PRDM10: variants seen among roughly 807,000 people sequenced by gnomAD.
PRDM10 encodes PR domain zinc finger protein 10.
In PRDM10, 65 loss-of-function variants were observed where a neutral mutation model predicts 133.1. The ratio of observed to expected loss-of-function variants is 0.49; its 90% CI spans 0.40 to 0.60. The LOEUF is 0.60. Among genes scored for constraint, PRDM10 ranks in the 20% least tolerant of loss-of-function variants. PRDM10 has a pLI of 0.00. For synonymous variants in PRDM10, 582 were observed against 580.4 expected, an observed-to-expected ratio of 1.00 and a Z score of -0.04; for missense variants, 1,137 against 1,507.1, an observed-to-expected ratio of 0.75 and a Z score of 4.07.
In PRDM10 at chr11:129,947,161, G is replaced by A. The variant is rs1276370140; in HGVS notation, c.504C>T (p.Phe168=). ...DDWEPDPPRP[F]DPHDLWCEEC... ...CACACTTACACAAGTCGTGTGGGTC[G>A]AAGGGCCGGGGCGGGTCTGGCTCCC... Residue 168 remains phenylalanine, a synonymous_variant, in exon 5 of 21, where the codon TTC becomes TTT. Coordinates refer to ENST00000360871, the MANE Select transcript of PRDM10 (RefSeq NM_199437.2). The surrounding 1 kb of genome is among the most constrained non-coding windows in gnomAD (Gnocchi z 4.6). The A allele has an allele frequency of 1.1e-5, 17 of 1,613,720 alleles. No homozygotes were observed. The highest frequency in any genetic ancestry group is 1.3e-5 in the Non-Finnish European group (15 of 1,179,936).
At chr11:129,961,171 G>A in intron 1 of PRDM10, 89 bp from the exon 2 acceptor site, 1 of 470,802 alleles carries the variant, frequency 2.1e-6, no homozygotes, top group Non-Finnish European at 3.7e-6. Context: ...ATAAAAGAAA[G>A]CTTTGTCAAA....
intron 7 of PRDM10, among the ~76,000 whole-genome samples, chr11:129,938,580 G>A (rs1385547543): frequency 6.6e-6 from 1 of 152,178 alleles, no homozygotes; most frequent in Non-Finnish European, 1.5e-5. Flanking sequence ...TTGGCCTTCT[G>A]ACTGGCCTCT....
chr11:129,984,285 T>C (rs138595647), intron 1 of PRDM10, among the ~76,000 whole-genome samples: 250 of 152,366 alleles, frequency 1.6e-3, no homozygotes, highest in African/African-American at 4.8e-3. Context: ...CCAGCTAGCA[T>C]GTGCTAGAAT....
intron 3 of PRDM10, among the ~76,000 whole-genome samples, chr11:129,955,983 C>G (rs1019848186): frequency 6.6e-6 from 1 of 152,116 alleles, no homozygotes; most frequent in Non-Finnish European, 1.5e-5. Context: ...GATAGACAGG[C>G]ATCTAGAAGA....
At chr11:129,971,663 C>A (rs1007690576) in intron 1 of PRDM10, among the ~76,000 whole-genome samples, 1 of 152,116 alleles carries the variant, frequency 6.6e-6, no homozygotes, top group Non-Finnish European at 1.5e-5. Flanking sequence ...GGTGCACTCA[C>A]AAACCCTGAG....
At chr11:129,984,035 G>C (rs538685273) in intron 1 of PRDM10, among the ~76,000 whole-genome samples, 2 of 152,222 alleles carry the variant, frequency 1.3e-5, no homozygotes, top group Admixed American at 6.5e-5. Context: ...ATGAACTTTG[G>C]ATTCTTGTCT....
chr11:129,935,710 C>A (rs1951008327), intron 8 of PRDM10, among the ~76,000 whole-genome samples: 1 of 152,214 alleles, frequency 6.6e-6, no homozygotes, highest in African/African-American at 2.4e-5. Flanking sequence ...TACATACATA[C>A]CCAACAGAAA....
At chr11:129,937,202 T>A (rs970872613) in intron 8 of PRDM10, among the ~76,000 whole-genome samples, 1 of 152,234 alleles carries the variant, frequency 6.6e-6, no homozygotes, top group Admixed American at 6.5e-5. Flanking sequence ...GTGTGTTCAC[T>A]TTGTGAAAAT....
chr11:129,937,435 G>A (rs1951068367), intron 8 of PRDM10, among the ~76,000 whole-genome samples, 163 bp downstream of exon 8: 1 of 152,078 alleles, frequency 6.6e-6, no homozygotes, highest in South Asian at 2.1e-4. Context: ...AAATGTCATT[G>A]TAGTTTGACA....
chr11:129,939,577 A>G (rs1313283042), intron 7 of PRDM10, among the ~76,000 whole-genome samples: 1 of 152,186 alleles, frequency 6.6e-6, no homozygotes, highest in East Asian at 1.9e-4. Flanking sequence ...CTACCTGCTC[A>G]CTGCTCCTGC....
chr11:129,913,313 C>T (rs530268432), intron 17 of PRDM10, among the ~76,000 whole-genome samples: 3 of 151,816 alleles, frequency 2.0e-5, no homozygotes, highest in South Asian at 2.1e-4. Context: ...ATGCTGCACT[C>T]GCAGATAGCC....
At chr11:129,969,367 G>C (rs1951969219) in intron 1 of PRDM10, among the ~76,000 whole-genome samples, 1 of 152,146 alleles carries the variant, frequency 6.6e-6, no homozygotes, top group African/African-American at 2.4e-5. Context: ...TTGTATTAGA[G>C]TCGTCTTTGG....
Position 129,902,180 on chromosome 11 carries a change from TGA to T in PRDM10, c.*131_*132del. ...GGCAAAATAAACCCCAGTGTATGGA[TGA>T]GAGACAAAACTGTGGTTTCCGAACT... On this transcript the variant is annotated 3_prime_UTR_variant, in exon 21 of 21. Coordinates refer to ENST00000360871, the MANE Select transcript of PRDM10 (RefSeq NM_199437.2). The T allele has an allele frequency of 1.0e-5, 13 of 1,278,194 alleles. No individual in the cohort carries two copies. Among genetic ancestry groups the T allele is most frequent in the Non-Finnish European group, 1.3e-5 (12 of 937,662 alleles). The allele number at this position is 1,278,194 out of a possible 1,614,324, so 79.2% of individuals were successfully genotyped here.
Position 129,947,957 on chromosome 11 carries a change from CTT to C in PRDM10, c.295-589_295-588del. On this transcript the variant is annotated intron_variant, in intron 4 of 20. Transcript: ENST00000360871. The surrounding 1 kb of genome is among the most constrained non-coding windows in gnomAD (Gnocchi z 4.6). ...AGTTGACCTATCCTCAACCACTTGTCTTTTAAAACTAAACACGTCGTGCAACA... is the reference window on the plus strand; with the variant it reads ...AGTTGACCTATCCTCAACCACTTGTCTTAAAACTAAACACGTCGTGCAACA... The C allele has an allele frequency of 2.2e-6, 1 of 444,920 alleles. No homozygotes were observed. The highest frequency in any genetic ancestry group is 4.5e-6 in the Non-Finnish European group (1 of 221,242). 27.6% of individuals were successfully genotyped at this position (444,920 alleles called of 1,614,324 possible).
In PRDM10 at chr11:129,983,519, C is replaced by T. The variant is rs572903328; in HGVS notation, c.-119+19203G>A. ...TTCACCGTGTTAGCCAGGATGCTCT[C>T]GATCTCCTGACCTTGTGATCTGCCG... is the stretch of plus-strand genomic sequence containing the variant. On this transcript the variant is annotated intron_variant, in intron 1 of 20. Transcript: ENST00000360871. Among the ~76,000 whole-genome samples, 10 of 151,804 alleles carry T rather than the reference C, an allele frequency of 6.6e-5. No individual in the cohort carries two copies. The South Asian group carries it at 1.9e-3, about 28-fold the overall frequency.
At chr11:129,948,604 G>A (rs578258084) in intron 4 of PRDM10, among the ~76,000 whole-genome samples, 2 of 152,188 alleles carry the variant, frequency 1.3e-5, no homozygotes, top group Non-Finnish European at 2.9e-5. Context: ...GACAATTTCT[G>A]TGGAGCCCAG....
chr11:129,906,627 T>A (rs1031664377), intron 19 of PRDM10, among the ~76,000 whole-genome samples: 3 of 152,182 alleles, frequency 2.0e-5, no homozygotes, highest in Non-Finnish European at 2.9e-5. Flanking sequence ...AGTAACTTGG[T>A]AGTGAAGGTA....
chr11:129,971,681 T>C (rs374102795), intron 1 of PRDM10, among the ~76,000 whole-genome samples: 11 of 151,782 alleles, frequency 7.2e-5, no homozygotes, highest in Admixed American at 1.3e-4. Context: ...GAGCTAGACA[T>C]AGGGTGCTGA....
At chr11:129,916,752 A>C (rs1950370715) in intron 15 of PRDM10, among the ~76,000 whole-genome samples, 1 of 151,988 alleles carries the variant, frequency 6.6e-6, no homozygotes, top group South Asian at 2.1e-4. Flanking sequence ...AGCTTTCCCA[A>C]CCCCCTCCAC....
Sources: allele counts gnomAD v4.1 joint callset (sites outside exome capture counted in the v4.1 genomes callset), GRCh38; gene constraint gnomAD v4.1.1; non-coding constraint Gnocchi (gnomAD v3.1); transcripts MANE v1.5; gene names NCBI Gene and HGNC (gene_info 2026-07-23, HGNC 2026-07-21).